Variants in COX10 observed in about 807,000 individuals in gnomAD.
COX10 encodes the protein protoheme IX farnesyltransferase, mitochondrial.
Under a neutral mutation model 37.3 loss-of-function variants are expected in COX10, and 27 were observed. The ratio of observed to expected loss-of-function variants is 0.72; its 90% CI spans 0.53 to 1.00. The LOEUF (loss-of-function observed/expected upper bound fraction) is 1.00. Among genes scored for constraint, COX10 ranks in the 50% least tolerant of loss-of-function variants. The pLI is 0.00. For missense variants in COX10, 475 were observed against 563.2 expected (o/e 0.84, Z 1.59); for synonymous variants, 222 against 229.1 (o/e 0.97, Z 0.28).
At chr17:14,134,428 T>A (rs920710103) in intron 4 of COX10, among the ~76,000 whole-genome samples, 21 of 151,812 alleles carry the variant, frequency 1.4e-4, no homozygotes, top group African/African-American at 4.8e-4. Context: ...AAAAATTAAC[T>A]GAGTTCTTAC....
intron 4 of COX10, among the ~76,000 whole-genome samples, chr17:14,121,490 C>G (rs939608151): frequency 2.0e-5 from 3 of 152,070 alleles, no homozygotes; most frequent in Non-Finnish European, 4.4e-5. Context: ...TGGCTGTATA[C>G]CACGATGGCT....
At chr17:14,091,108 G>T (rs1915517422) in intron 3 of COX10, among the ~76,000 whole-genome samples, 1 of 152,184 alleles carries the variant, frequency 6.6e-6, no homozygotes, top group Admixed American at 6.6e-5. Flanking sequence ...TTAGGCAGCT[G>T]TGCATTTATA....
chr17:14,177,246 T>G (rs1310201461), intron 5 of COX10: 1 of 734,968 alleles, frequency 1.4e-6, no homozygotes, highest in East Asian at 2.5e-5. Flanking sequence ...GGCAGAGCTG[T>G]GCTTCCTTGG....
chr17:14,179,730 C>T (rs1905799505), intron 5 of COX10, among the ~76,000 whole-genome samples: 1 of 151,506 alleles, frequency 6.6e-6, no homozygotes, highest in Admixed American at 6.6e-5. Flanking sequence ...ATCTATTTTC[C>T]AGCTTGGTAA....
intron 3 of COX10, among the ~76,000 whole-genome samples, chr17:14,081,813 G>T (rs1192501729): frequency 6.6e-6 from 1 of 152,132 alleles, no homozygotes; most frequent in Non-Finnish European, 1.5e-5. Context: ...ACTGGCATTT[G>T]GATTTGCTGC....
chr17:14,142,409 A>T (rs574722423), intron 4 of COX10, among the ~76,000 whole-genome samples: 10 of 152,352 alleles, frequency 6.6e-5, no homozygotes, highest in African/African-American at 2.2e-4. Context: ...TTAATGACCA[A>T]ATGCCATTTA....
At chr17:14,081,223 C>T (rs1194327518) in intron 3 of COX10, among the ~76,000 whole-genome samples, 2 of 152,108 alleles carry the variant, frequency 1.3e-5, no homozygotes, top group African/African-American at 4.8e-5. Context: ...GACCTTCTGT[C>T]GGAGAGCACA....
intron 5 of COX10, among the ~76,000 whole-genome samples, chr17:14,162,879 C>T (rs1905197852): frequency 6.6e-6 from 1 of 152,150 alleles, no homozygotes; most frequent in Admixed American, 6.5e-5. Flanking sequence ...TTTTTCCATT[C>T]AGCCCAGTGC....
chr17:14,167,659 A>G (rs1338308013), intron 5 of COX10, among the ~76,000 whole-genome samples: 1 of 152,216 alleles, frequency 6.6e-6, no homozygotes, highest in Admixed American at 6.5e-5. Context: ...GTGAAGCAGA[A>G]GCAAGCACCT....
In COX10 at chr17:14,199,070, C is replaced by CA. The variant is rs58368681; in HGVS notation, c.928+6862dup. Among the ~76,000 whole-genome samples the CA allele has an allele frequency of 5.7e-3, 749 of 132,446 alleles. 4 individuals are homozygous for CA. Among genetic ancestry groups the CA allele is most frequent in the East Asian group, 0.014 (67 of 4,728 alleles). 86.9% of individuals were successfully genotyped at this position (132,446 alleles called of 152,430 possible). On this transcript the variant is annotated intron_variant, in intron 6 of 6. Transcript: ENST00000261643. The stretch of plus-strand genomic sequence containing the variant: ...AGAACACTATATTCTCTTGAAAGAC[C>CA]AAAAAAAAAAAAAGAGCTACGAAAG...
At chr17:14,144,899 A>T (rs1202256202) in intron 4 of COX10, among the ~76,000 whole-genome samples, 4 of 151,944 alleles carry the variant, frequency 2.6e-5, no homozygotes, top group African/African-American at 9.7e-5. Flanking sequence ...AGGGGTTGGG[A>T]TGGGGCAAAA....
At chr17:14,157,526 CT>C (rs1488669520) in intron 4 of COX10, among the ~76,000 whole-genome samples, 5 of 152,174 alleles carry the variant, frequency 3.3e-5, no homozygotes, top group African/African-American at 1.2e-4. Context: ...GAAAAACAAC[CT>C]GCCTGTTCAT....
intron 4 of COX10, among the ~76,000 whole-genome samples, chr17:14,135,387 T>C (rs1463687896): frequency 6.6e-6 from 1 of 151,822 alleles, no homozygotes; most frequent in East Asian, 1.9e-4. Context: ...TATTACTGAT[T>C]TTAGATATTA....
Position 14,085,761 on chromosome 17 carries a change from C to T in COX10, c.499+8705C>T, listed in dbSNP as rs183505856. On this transcript the variant is annotated intron_variant, in intron 3 of 6. Coordinates refer to ENST00000261643, the MANE Select transcript of COX10 (RefSeq NM_001303.4). Reference sequence around the variant, plus strand: ...AGTGGTCTTGTTAGAGCAACAGGTACGCATGGTTTTAAAGCTTTCAGTTTT... The same window carrying T: ...AGTGGTCTTGTTAGAGCAACAGGTATGCATGGTTTTAAAGCTTTCAGTTTT... Among the ~76,000 whole-genome samples the T allele has an allele frequency of 2.1e-3, 324 of 152,184 alleles. 1 individual carries two copies. The highest frequency in any genetic ancestry group is 7.5e-3 in the African/African-American group (313 of 41,528).
intron 5 of COX10, among the ~76,000 whole-genome samples, chr17:14,170,229 A>G (rs1325823313): frequency 6.6e-6 from 1 of 152,230 alleles, no homozygotes; most frequent in Non-Finnish European, 1.5e-5. Flanking sequence ...AACCCGTTTT[A>G]CAAGTTGAAT....
At chr17:14,155,564 A>T (rs1367980852) in intron 4 of COX10, among the ~76,000 whole-genome samples, 1 of 151,772 alleles carries the variant, frequency 6.6e-6, no homozygotes, top group Non-Finnish European at 1.5e-5. Context: ...AAATACAAAA[A>T]ATTAGCCGAG....
At chr17:14,191,363 G>A (rs1183515111) in intron 5 of COX10, among the ~76,000 whole-genome samples, 1 of 149,724 alleles carries the variant, frequency 6.7e-6, no homozygotes, top group African/African-American at 2.5e-5. Context: ...ACAGCCACCC[G>A]GTGTTTACTG....
intron 4 of COX10, among the ~76,000 whole-genome samples, chr17:14,144,349 A>G (rs1296680054): frequency 4.6e-5 from 7 of 152,070 alleles, no homozygotes; most frequent in African/African-American, 1.2e-4. Context: ...CTGTTGTCAC[A>G]TTATTTTCTC....
chr17:14,195,780 G>A (rs953583617), intron 6 of COX10, among the ~76,000 whole-genome samples: 2 of 152,106 alleles, frequency 1.3e-5, no homozygotes, highest in African/African-American at 4.8e-5. Flanking sequence ...TGGGGTCTGA[G>A]AATTTTTATT....
Sources: gnomAD v4.1 joint callset for allele counts (sites outside exome capture counted in the v4.1 genomes callset) on GRCh38, gnomAD v4.1.1 for gene constraint, MANE v1.5 for transcripts, NCBI Gene and HGNC (gene_info 2026-07-23, HGNC 2026-07-21) for gene names.